Variants in CCDC91 observed in about 807,000 individuals in gnomAD.
CCDC91 encodes the protein coiled-coil domain-containing protein 91.
Under a neutral mutation model 63.2 loss-of-function variants are expected in CCDC91, and 48 were observed. The ratio of observed to expected loss-of-function variants is 0.76; its 90% CI spans 0.60 to 0.97. CCDC91 has a LOEUF of 0.97. CCDC91 is among the 50% of genes least tolerant of loss of function. The probability of loss-of-function intolerance (pLI) is 0.00; values close to 1 mark genes in which losing one functional copy is unlikely to be tolerated. For missense variants in CCDC91, 500 were observed against 494.6 expected (o/e 1.01, Z -0.10); for synonymous variants, 167 against 165.8 (o/e 1.01, Z -0.06).
intron 1 of CCDC91, among the ~76,000 whole-genome samples, chr12:28,209,966 T>G (rs1943117614): frequency 6.6e-6 from 1 of 152,222 alleles, no homozygotes; most frequent in South Asian, 2.1e-4. Flanking sequence ...GTGCATAAAT[T>G]TCTTTTCATT....
In CCDC91 at chr12:28,275,922, C is replaced by A. The variant is rs867373278; in HGVS notation, c.109+16480C>A. 8.0e-4 allele frequency among the ~76,000 whole-genome samples: 122 copies of A among 152,152 alleles called. 1 individual carries two copies. The highest frequency in any genetic ancestry group is 1.0e-3 in the Non-Finnish European group (69 of 67,984). ...AAAGGCCTTTGACAAAATTCAACAA[C>A]CCTTCATGCGAAAAACTCTCAATAA... On this transcript the variant is annotated intron_variant, in intron 3 of 12. Coordinates refer to ENST00000536442, the MANE Select transcript of CCDC91 (RefSeq NM_018318.5).
At chr12:28,355,170 A>G (rs1943440523) in intron 6 of CCDC91, among the ~76,000 whole-genome samples, 1 of 151,876 alleles carries the variant, frequency 6.6e-6, no homozygotes, top group African/African-American at 2.4e-5. Context: ...TCAAGGCTCC[A>G]TGCCTTTGAA....
intron 11 of CCDC91, among the ~76,000 whole-genome samples, chr12:28,474,223 T>C (rs1950966615): frequency 6.6e-6 from 1 of 152,032 alleles, no homozygotes; most frequent in Non-Finnish European, 1.5e-5. Flanking sequence ...AACAAAGTCG[T>C]TTTTTCTTGT....
At chr12:28,461,048 A>G (rs1366902558) in intron 11 of CCDC91, among the ~76,000 whole-genome samples, 1 of 152,022 alleles carries the variant, frequency 6.6e-6, no homozygotes, top group African/African-American at 2.4e-5. Flanking sequence ...CTACAAACCC[A>G]TACAGCATGT....
intron 3 of CCDC91, among the ~76,000 whole-genome samples, chr12:28,295,418 T>A (rs1197675989): frequency 6.6e-6 from 1 of 152,116 alleles, no homozygotes; most frequent in African/African-American, 2.4e-5. Context: ...TACAGCACAC[T>A]AATATTTTAA....
At position 28,452,578 on chromosome 12, in the gene CCDC91, C is replaced by T. The variant is rs1949861632; in HGVS notation, c.1025C>T (p.Thr342Ile). 1.3e-6 allele frequency: 2 copies of T among 1,587,974 alleles called. No individual in the cohort carries two copies. Among genetic ancestry groups the T allele is most frequent in the Non-Finnish European group, 1.7e-6 (2 of 1,167,858 alleles). Reference protein sequence around the residue: ...AHAEERELWKTEHAKDQEKVS... With the variant: ...AHAEERELWKIEHAKDQEKVS... The stretch of plus-strand genomic sequence containing the variant: ...GCTGAAGAAAGGGAATTATGGAAGA[C>T]AGAACATGCAAAAGATCAAGAAAAA... The change falls in exon 11 of 13, where the codon ACA (threonine) becomes ATA (isoleucine). Residue 342 changes from threonine (T) to isoleucine (I), a missense_variant. Transcript: ENST00000536442.
intron 12 of CCDC91, among the ~76,000 whole-genome samples, chr12:28,499,355 T>TTTCTCTTC (rs60024235): frequency 6.6e-6 from 1 of 151,002 alleles, no homozygotes; most frequent in Admixed American, 6.6e-5. Context: ...GCACCTCACT[T>TTTCTCTTC]TTATTATTAT....
intron 11 of CCDC91, among the ~76,000 whole-genome samples, chr12:28,477,047 A>G (rs1270073598): frequency 1.3e-5 from 2 of 152,208 alleles, no homozygotes; most frequent in African/African-American, 4.8e-5. Context: ...CAGAGGTACA[A>G]GGAGGAGCTG....
At chr12:28,505,587 T>G (rs1318579097) in intron 12 of CCDC91, 1 of 150,746 alleles carries the variant, frequency 6.6e-6, no homozygotes, top group South Asian at 2.1e-4. Flanking sequence ...AAACATGCAG[T>G]TACTACTGCT....
intron 1 of CCDC91, among the ~76,000 whole-genome samples, chr12:28,228,535 C>G (rs750015402): frequency 3.3e-5 from 5 of 151,984 alleles, no homozygotes; most frequent in Non-Finnish European, 7.4e-5. Flanking sequence ...TCTGCTTGAA[C>G]CCTTCTAATA....
intron 7 of CCDC91, among the ~76,000 whole-genome samples, chr12:28,388,656 A>C (rs1335079469): frequency 6.6e-6 from 1 of 152,202 alleles, no homozygotes; most frequent in Non-Finnish European, 1.5e-5. Context: ...GGTAGAATCA[A>C]TATTGTGAAA....
At chr12:28,264,646 C>T (rs1244988107) in intron 3 of CCDC91, among the ~76,000 whole-genome samples, 4 of 139,484 alleles carry the variant, frequency 2.9e-5, no homozygotes, top group Non-Finnish European at 4.7e-5. Flanking sequence ...TTTTCCCCCT[C>T]CAATGTAAAT....
At chr12:28,525,351 G>T (rs1461198889) in intron 12 of CCDC91, among the ~76,000 whole-genome samples, 2 of 151,988 alleles carry the variant, frequency 1.3e-5, no homozygotes, top group Non-Finnish European at 2.9e-5. Context: ...TGATTTCATT[G>T]TTAGCCCAAT....
intron 3 of CCDC91, among the ~76,000 whole-genome samples, chr12:28,281,300 G>A (rs780097276): frequency 1.3e-5 from 2 of 152,182 alleles, no homozygotes; most frequent in African/African-American, 2.4e-5. Context: ...GCTTACATGA[G>A]TGTGGAGCTG....
At chr12:28,247,745 G>A (rs1453796461) in intron 1 of CCDC91, among the ~76,000 whole-genome samples, 2 of 152,134 alleles carry the variant, frequency 1.3e-5, no homozygotes, top group Non-Finnish European at 2.9e-5. Context: ...CAGCGGTCCC[G>A]AACCTTGTTG....
chr12:28,392,979 C>T (rs1946044061), intron 8 of CCDC91, among the ~76,000 whole-genome samples: 1 of 152,168 alleles, frequency 6.6e-6, no homozygotes, highest in Non-Finnish European at 1.5e-5. Flanking sequence ...TAGAGACACA[C>T]AGCTATCATT....
chr12:28,309,032 A>G (rs1309448977), intron 6 of CCDC91, among the ~76,000 whole-genome samples: 3 of 152,046 alleles, frequency 2.0e-5, no homozygotes, highest in African/African-American at 7.2e-5. Context: ...ATAATAAGGT[A>G]TAGGTGAATG....
rs557566344 is a variant in CCDC91 at position 28,316,729 on chromosome 12, T to C, written c.576+8980T>C. ...TTTTTAAATGAGTCATTTAAGATAG[T>C]TTTTTTCTCTCATTTTAAAATTCTG... On this transcript the variant is annotated intron_variant, in intron 6 of 12. Coordinates refer to ENST00000536442, the MANE Select transcript of CCDC91 (RefSeq NM_018318.5). Among the ~76,000 whole-genome samples, 155 of 151,846 alleles carry C rather than the reference T, an allele frequency of 1.0e-3. 1 individual carries two copies. Among genetic ancestry groups the C allele is most frequent in the African/African-American group, 3.4e-3 (141 of 41,466 alleles).
intron 12 of CCDC91, among the ~76,000 whole-genome samples, chr12:28,538,087 T>C (rs1445696137): frequency 1.3e-5 from 2 of 150,220 alleles, no homozygotes; most frequent in South Asian, 2.1e-4. Context: ...TTTAGGGGTT[T>C]TTTTTAATTT....
Sources: gnomAD v4.1 joint callset for allele counts (sites outside exome capture counted in the v4.1 genomes callset) on GRCh38, gnomAD v4.1.1 for gene constraint, MANE v1.5 for transcripts, NCBI Gene and HGNC (gene_info 2026-07-23, HGNC 2026-07-21) for gene names.